Variants in CSMD3 observed in about 807,000 individuals in gnomAD.
The protein encoded by CSMD3 is CUB and Sushi multiple domains 3, also known as CUB and sushi domain-containing protein 3.
A neutral mutation model predicts 435.2 loss-of-function variants in CSMD3; 177 were observed. The ratio of observed to expected loss-of-function variants is 0.41; its 90% CI spans 0.36 to 0.46. The LOEUF is 0.46. CSMD3 is among the 20% of genes least tolerant of loss of function. The pLI, the probability that CSMD3 is intolerant of heterozygous loss-of-function variation, is 0.34. For synonymous variants in CSMD3, 1,656 were observed against 1,520.5 expected (o/e 1.09, Z -2.07); for missense variants, 4,265 against 4,504.6 (o/e 0.95, Z 1.52).
At chr8:112,362,233 A>T (rs1406201626) in intron 38 of CSMD3, among the ~76,000 whole-genome samples, 1 of 152,034 alleles carries the variant, frequency 6.6e-6, no homozygotes, top group Non-Finnish European at 1.5e-5. Context: ...TCAAATACCT[A>T]ATCATGTAAC....
chr8:112,289,307 A>T (rs2130653223), intron 57 of CSMD3, 58 bp downstream of exon 57: 1 of 1,326,896 alleles, frequency 7.5e-7, no homozygotes, highest in Non-Finnish European at 1.1e-6. Context: ...CGTTGCTACT[A>T]CTACTACTAA....
intron 10 of CSMD3, among the ~76,000 whole-genome samples, chr8:112,888,387 CAAAATT>C (rs1225138246): frequency 6.6e-6 from 1 of 151,586 alleles, no homozygotes; most frequent in African/African-American, 2.4e-5. Flanking sequence ...GGAGGCCCCA[CAAAATT>C]ACCTGTCTTA....
chr8:112,309,842 C>G lies in CSMD3; in HGVS notation c.7885+1136G>C, dbSNP rs919067998. 2.1e-4 allele frequency among the ~76,000 whole-genome samples: 32 copies of G among 152,048 alleles called. 1 individual carries two copies. Among genetic ancestry groups the G allele is most frequent in the Non-Finnish European group, 4.7e-4 (32 of 67,978 alleles). The stretch of plus-strand genomic sequence containing the variant: ...TTTCAAGTGCCTGGTAATACCTATT[C>G]TTTAGCTAATTTTAACTTATTATTG... On this transcript the variant is annotated intron_variant, in intron 50 of 70. Transcript: ENST00000297405.
At chr8:113,360,979 AC>A (rs1174534956) in intron 1 of CSMD3, among the ~76,000 whole-genome samples, 1 of 152,230 alleles carries the variant, frequency 6.6e-6, no homozygotes, top group African/African-American at 2.4e-5. Flanking sequence ...CTGAAAATAA[AC>A]AATTTTTTAC....
chr8:113,385,251 C>T (rs994893864), intron 1 of CSMD3, among the ~76,000 whole-genome samples: 2 of 152,054 alleles, frequency 1.3e-5, no homozygotes, highest in African/African-American at 4.8e-5. Context: ...TCTCTTCAAA[C>T]TTTGTATTCT....
intron 3 of CSMD3, among the ~76,000 whole-genome samples, chr8:113,240,122 G>C (rs965882550): frequency 6.6e-6 from 1 of 151,954 alleles, no homozygotes; most frequent in African/African-American, 2.4e-5. Flanking sequence ...TTCTATTCCT[G>C]TGTTAGTTTG....
At chr8:113,386,928 G>T (rs535739588) in intron 1 of CSMD3, among the ~76,000 whole-genome samples, 1 of 148,880 alleles carries the variant, frequency 6.7e-6, no homozygotes, top group Admixed American at 6.6e-5. Flanking sequence ...CATGAAAGAA[G>T]AGAGCTTCCC....
Position 112,867,189 on chromosome 8 carries a change from A to G in CSMD3, c.1634-7923T>C, listed in dbSNP as rs376382633. 4.6e-5 allele frequency among the ~76,000 whole-genome samples: 7 copies of G among 152,272 alleles called. No individual in the cohort carries two copies. In the South Asian group the frequency reaches 1.5e-3, roughly 32 times the overall value. On this transcript the variant is annotated intron_variant, in intron 10 of 70. Coordinates refer to ENST00000297405, the MANE Select transcript of CSMD3 (RefSeq NM_198123.2). ...AGGGAACTATCCCTGACTTCACAGA[A>G]GTAGGCCAAGGCAAGTGCTACCCAC...
intron 22 of CSMD3, among the ~76,000 whole-genome samples, chr8:112,610,544 T>A (rs1369684036): frequency 6.6e-6 from 1 of 152,116 alleles, no homozygotes; most frequent in Non-Finnish European, 1.5e-5. Flanking sequence ...CACCTTTTAT[T>A]CTCTTCTTAC....
intron 59 of CSMD3, among the ~76,000 whole-genome samples, chr8:112,268,315 G>C (rs1817149195): frequency 6.6e-6 from 1 of 152,122 alleles, no homozygotes; most frequent in Non-Finnish European, 1.5e-5. Flanking sequence ...TTTGTGGGAG[G>C]CTTCTCAATA....
chr8:112,419,970 G>T (rs1013831803), intron 32 of CSMD3, among the ~76,000 whole-genome samples: 2 of 152,040 alleles, frequency 1.3e-5, no homozygotes, highest in Admixed American at 1.3e-4. Context: ...GTTCAAATAT[G>T]TTATTAGCAC....
chr8:112,579,853 T>A (rs542548762), intron 23 of CSMD3, among the ~76,000 whole-genome samples: 2 of 152,214 alleles, frequency 1.3e-5, no homozygotes, highest in African/African-American at 4.8e-5. Context: ...ACCTTTTCTT[T>A]CCCAGTTTCA....
chr8:113,101,080 G>A (rs2090316359), intron 4 of CSMD3, among the ~76,000 whole-genome samples: 2 of 152,074 alleles, frequency 1.3e-5, no homozygotes, highest in Admixed American at 6.6e-5. Flanking sequence ...ATTTGGCACT[G>A]GTTTCTAAGG....
intron 4 of CSMD3, among the ~76,000 whole-genome samples, chr8:113,129,076 G>A (rs1348190166): frequency 3.9e-5 from 6 of 152,122 alleles, no homozygotes; most frequent in Admixed American, 2.6e-4. Context: ...GTAAAGGCAC[G>A]TATGAACTGT....
At chr8:112,569,350 CTT>C (rs576930062) in intron 24 of CSMD3, among the ~76,000 whole-genome samples, 3 of 152,204 alleles carry the variant, frequency 2.0e-5, no homozygotes, top group South Asian at 4.2e-4. Context: ...TCACTCTTCA[CTT>C]TTTCTTATAT....
intron 4 of CSMD3, among the ~76,000 whole-genome samples, chr8:113,162,586 A>C (rs945061277): frequency 2.0e-5 from 3 of 151,700 alleles, no homozygotes; most frequent in Admixed American, 6.6e-5. Flanking sequence ...AAAAAAAAAA[A>C]AAAAAAACTT....
chr8:113,425,345 T>C (rs1223540019), intron 1 of CSMD3, among the ~76,000 whole-genome samples: 1 of 151,534 alleles, frequency 6.6e-6, no homozygotes, highest in African/African-American at 2.4e-5. Context: ...AAACTTAATA[T>C]GTCTAACATC....
intron 10 of CSMD3, among the ~76,000 whole-genome samples, chr8:112,882,499 A>G (rs972541198): frequency 6.6e-6 from 1 of 151,852 alleles, no homozygotes; most frequent in Non-Finnish European, 1.5e-5. Context: ...TTATTTCACT[A>G]CCTACTCTAC....
intron 10 of CSMD3, among the ~76,000 whole-genome samples, chr8:112,895,111 C>T (rs1205120023): frequency 6.6e-6 from 1 of 151,364 alleles, no homozygotes; most frequent in Non-Finnish European, 1.5e-5. Flanking sequence ...TTCACTCCCT[C>T]TTTTTGAGAC....
Sources: gnomAD v4.1 joint callset for allele counts (sites outside exome capture counted in the v4.1 genomes callset) on GRCh38, gnomAD v4.1.1 for gene constraint, MANE v1.5 for transcripts, NCBI Gene and HGNC (gene_info 2026-07-23, HGNC 2026-07-21) for gene names.